The following ZC3H8 variants were observed in gnomAD, a reference collection of about 807,000 sequenced individuals.
ZC3H8 encodes the protein zinc finger CCCH domain-containing protein 8.
In ZC3H8, 27 loss-of-function variants were observed where a neutral mutation model predicts 42.5. The ratio of observed to expected loss-of-function variants is 0.64; its 90% confidence interval spans 0.47 to 0.88. ZC3H8 has a LOEUF of 0.88. Ranked by LOEUF, ZC3H8 falls within the 40% of genes least tolerant of loss-of-function variation. The pLI, the probability that ZC3H8 is intolerant of heterozygous loss-of-function variation, is 0.00. For synonymous variants in ZC3H8, 101 were observed against 110.1 expected (o/e 0.92, Z 0.52); for missense variants, 277 against 336.1 (o/e 0.82, Z 1.37).
At chr2:112,245,635 C>G (rs938153684) in intron 2 of ZC3H8, among the ~76,000 whole-genome samples, 2 of 152,172 alleles carry the variant, frequency 1.3e-5, no homozygotes, top group African/African-American at 4.8e-5. Context: ...GCCTGGGTGA[C>G]AGAGCAAGAC....
chr2:112,253,381 G>T (rs1686023290), intron 1 of ZC3H8, among the ~76,000 whole-genome samples: 2 of 152,044 alleles, frequency 1.3e-5, no homozygotes, highest in South Asian at 4.1e-4. Flanking sequence ...GAATGAATGA[G>T]AAGTATTCCC....
chr2:112,246,525 T>C (rs1157209933), intron 2 of ZC3H8, among the ~76,000 whole-genome samples: 1 of 152,082 alleles, frequency 6.6e-6, no homozygotes, highest in African/African-American at 2.4e-5. Context: ...AGGGATGACT[T>C]TGAGGAGTTC....
rs540549804 is a variant in ZC3H8 at position 112,234,753 on chromosome 2, T to C, written c.505-517A>G. On this transcript the variant is annotated intron_variant, in intron 4 of 8. Coordinates refer to ENST00000409573, the MANE Select transcript of ZC3H8 (RefSeq NM_032494.3). ...AGGCAGAGGTTGCAGTGAGCCAAGA[T>C]TGCACCACTGTACTCCAGCCTGGGC... Among the ~76,000 whole-genome samples, 17 of 151,658 alleles carry C rather than the reference T, an allele frequency of 1.1e-4. No individual in the cohort carries two copies. In the South Asian group the frequency reaches 3.1e-3, roughly 28 times the overall value.
intron 1 of ZC3H8, among the ~76,000 whole-genome samples, chr2:112,254,613 G>A (rs966408739): frequency 6.6e-6 from 1 of 152,226 alleles, no homozygotes; most frequent in African/African-American, 2.4e-5. Flanking sequence ...CTGCTGTGCA[G>A]AGAAAGGGGC....
chr2:112,228,285 T>C (rs1321483991), intron 8 of ZC3H8, among the ~76,000 whole-genome samples: 1 of 152,156 alleles, frequency 6.6e-6, no homozygotes, highest in Non-Finnish European at 1.5e-5. Context: ...GCAGATCACC[T>C]GAGGTCAGGA....
rs1031643941 is a variant in ZC3H8, at chr2:112,214,112, A to C, written c.*2372T>G. ...CAGGTGCCCGCCACCTCGCCCAGCT[A>C]ATTTTTTGTAATTTTAGTAGAGATG... On this transcript the variant is annotated 3_prime_UTR_variant, in exon 9 of 9. Coordinates refer to ENST00000409573, the MANE Select transcript of ZC3H8 (RefSeq NM_032494.3). 1 of 151,852 alleles carries C rather than the reference A, an allele frequency of 6.6e-6. No homozygotes were observed. Among genetic ancestry groups the C allele is most frequent in the Non-Finnish European group, 1.5e-5 (1 of 68,036 alleles). The allele number at this position is 151,852 out of a possible 1,614,324, so 9.4% of individuals were successfully genotyped here.
At chr2:112,252,720 G>C (rs1048182823) in intron 1 of ZC3H8, among the ~76,000 whole-genome samples, 5 of 151,946 alleles carry the variant, frequency 3.3e-5, no homozygotes, top group African/African-American at 9.7e-5. Context: ...TCCGTCTGAG[G>C]ACCTTTATAC....
chr2:112,224,730 T>TATA (rs1684740664), intron 8 of ZC3H8, among the ~76,000 whole-genome samples: 1 of 152,338 alleles, frequency 6.6e-6, no homozygotes, highest in South Asian at 2.1e-4. Context: ...GTGTAGACTA[T>TATA]ATAATTCTGC....
At position 112,250,190 on chromosome 2, in the gene ZC3H8, C is replaced by CT. The variant is rs1558934823; in HGVS notation, c.156dup (p.Phe53IlefsTer2). The CT allele has an allele frequency of 3.8e-6, 6 of 1,562,550 alleles. No individual in the cohort carries two copies. The highest frequency in any genetic ancestry group is 5.2e-6 in the Non-Finnish European group (6 of 1,152,180). ...TTAAACAGTGGTCAACTTAATCTTA[C>CT]TTTTTTGGGAATTTGCTCGCACTCC... On this transcript the variant is annotated frameshift_variant and splice_region_variant. Coordinates refer to ENST00000409573, the MANE Select transcript of ZC3H8 (RefSeq NM_032494.3). LOFTEE classifies it high-confidence loss of function.
At chr2:112,228,102 T>C (rs955099500) in intron 8 of ZC3H8, among the ~76,000 whole-genome samples, 1 of 152,008 alleles carries the variant, frequency 6.6e-6, no homozygotes, top group African/African-American at 2.4e-5. Flanking sequence ...CATATAGAGG[T>C]CAATGGAACA....
chr2:112,232,314 C>CAAAAAAAAAAAAAAAAAA (rs34453808), intron 6 of ZC3H8, among the ~76,000 whole-genome samples: 1 of 71,624 alleles, frequency 1.4e-5, no homozygotes, highest in Non-Finnish European at 2.5e-5. Flanking sequence ...GATAATGTCT[C>CAAAAAAAAAAAAAAAAAA]AAAAAAAAAA....
At chr2:112,222,180 G>A (rs115683199) in intron 8 of ZC3H8, among the ~76,000 whole-genome samples, 2 of 152,282 alleles carry the variant, frequency 1.3e-5, no homozygotes, top group Non-Finnish European at 2.9e-5. Context: ...CTTTTGTTGA[G>A]TGTTCTTGTC....
At chr2:112,226,005 C>T (rs546996003) in intron 8 of ZC3H8, among the ~76,000 whole-genome samples, 67 of 151,898 alleles carry the variant, frequency 4.4e-4, no homozygotes, top group Admixed American at 1.6e-3. Context: ...TCGCTTGAAC[C>T]CAAGAGGTAG....
Position 112,250,010 on chromosome 2 carries a change from T to A in ZC3H8, c.156+181A>T, listed in dbSNP as rs575647466. On this transcript the variant is annotated intron_variant, in intron 2 of 8. Transcript: ENST00000409573. ...TAAATAATAATTTATTTAAAAAGTA[T>A]AACCAGTTTTCTTTGATATAAGTAA... 5 of 425,414 alleles carry A rather than the reference T, an allele frequency of 1.2e-5. No homozygotes were observed. In the Admixed American group the frequency reaches 2.1e-4, roughly 18 times the overall value. The allele number at this position is 425,414 out of a possible 1,614,324, so 26.4% of individuals were successfully genotyped here.
chr2:112,219,338 C>T lies in ZC3H8; in HGVS notation c.*16-2870G>A, dbSNP rs192018187. On this transcript the variant is annotated intron_variant, in intron 8 of 8. Coordinates refer to ENST00000409573, the MANE Select transcript of ZC3H8 (RefSeq NM_032494.3). ...CCAAGACCATTCAATGAAGGAAGGA[C>T]GGTCTTTCAACAAATGGTGCTAGGA... Among the ~76,000 whole-genome samples, 18 of 152,248 alleles carry T rather than the reference C, an allele frequency of 1.2e-4. No individual in the cohort carries two copies. The East Asian group carries it at 1.7e-3, about 15-fold the overall frequency.
At chr2:112,254,807 C>CGGCCCGGACGT in intron 1 of ZC3H8, 101 bp downstream of exon 1, 1 of 1,381,554 alleles carries the variant, frequency 7.2e-7, no homozygotes, top group Non-Finnish European at 9.8e-7. Context: ...CCTCGCGACG[C>CGGCCCGGACGT]GGCCCGGACG....
chr2:112,246,118 G>A (rs1685754348), intron 2 of ZC3H8, among the ~76,000 whole-genome samples: 1 of 152,154 alleles, frequency 6.6e-6, no homozygotes, highest in Non-Finnish European at 1.5e-5. Context: ...TCTGTTTACA[G>A]CATGGTTTAC....
At chr2:112,243,389 T>G (rs186899730) in intron 2 of ZC3H8, among the ~76,000 whole-genome samples, 2 of 152,364 alleles carry the variant, frequency 1.3e-5, no homozygotes, top group Admixed American at 6.5e-5. Context: ...CCAGGCAATG[T>G]ATATGCTCAA....
intron 8 of ZC3H8, among the ~76,000 whole-genome samples, chr2:112,228,013 G>A (rs1558921447): frequency 6.6e-6 from 1 of 152,212 alleles, no homozygotes; most frequent in Non-Finnish European, 1.5e-5. Context: ...AACAAAGCTA[G>A]ACAGCTTACG....
Sources: gnomAD v4.1 joint callset for allele counts (sites outside exome capture counted in the v4.1 genomes callset) on GRCh38, gnomAD v4.1.1 for gene constraint, MANE v1.5 for transcripts, NCBI Gene and HGNC (gene_info 2026-07-23, HGNC 2026-07-21) for gene names.